The following SUGCT variants were observed in gnomAD, a reference collection of about 807,000 sequenced individuals.
SUGCT encodes succinyl-CoA:glutarate-CoA transferase.
A neutral mutation model predicts 55.0 loss-of-function variants in SUGCT; 41 were observed. The observed-to-expected ratio is 0.74, with a 90% CI of 0.58 to 0.97. The LOEUF (loss-of-function observed/expected upper bound fraction) is 0.97, where lower values mean the gene tolerates loss of function less well. Ranked by LOEUF, SUGCT falls within the 50% of genes least tolerant of loss-of-function variation. The probability of loss-of-function intolerance (pLI) is 0.00; values close to 1 mark genes in which losing one functional copy is unlikely to be tolerated. For synonymous variants in SUGCT, 187 were observed against 200.4 expected, an observed-to-expected ratio of 0.93 and a Z score of 0.56; for missense variants, 568 against 547.8, an observed-to-expected ratio of 1.04 and a Z score of -0.37.
At chr7:40,529,479 G>A (rs1307593414) in intron 12 of SUGCT, among the ~76,000 whole-genome samples, 3 of 152,320 alleles carry the variant, frequency 2.0e-5, no homozygotes, top group East Asian at 3.9e-4. Flanking sequence ...TGGTCATCAG[G>A]TGTGGGTACC....
the SUGCT span, among the ~76,000 whole-genome samples, chr7:41,024,259 G>C: frequency 6.6e-6 from 1 of 152,172 alleles, no homozygotes; most frequent in Non-Finnish European, 1.5e-5. Context: ...ATTGTATCTT[G>C]GAGAATATCT....
At chr7:40,508,423 C>CA (rs761990295) in intron 12 of SUGCT, among the ~76,000 whole-genome samples, 37 of 152,310 alleles carry the variant, frequency 2.4e-4, no homozygotes, top group Non-Finnish European at 4.6e-4. Flanking sequence ...GTGAAAAACA[C>CA]AGCAGCCTGC....
intron 12 of SUGCT, among the ~76,000 whole-genome samples, chr7:40,672,555 G>A (rs534998184): frequency 6.6e-6 from 1 of 152,284 alleles, no homozygotes; most frequent in African/African-American, 2.4e-5. Context: ...TAGGATTTAA[G>A]GAGAAGGTGA....
At chr7:40,701,876 A>G (rs1305722072) in intron 12 of SUGCT, among the ~76,000 whole-genome samples, 1 of 152,208 alleles carries the variant, frequency 6.6e-6, no homozygotes, top group African/African-American at 2.4e-5. Flanking sequence ...TGAGTGAAGG[A>G]GAGATATGCT....
the SUGCT span, among the ~76,000 whole-genome samples, chr7:41,002,643 T>C: frequency 3.3e-5 from 5 of 152,182 alleles, no homozygotes; most frequent in Non-Finnish European, 5.9e-5. Flanking sequence ...TGTCCAGCAA[T>C]GTTTAGCTGC....
chr7:40,998,367 G>GAA, the SUGCT span, among the ~76,000 whole-genome samples: 4 of 142,708 alleles, frequency 2.8e-5, no homozygotes, highest in South Asian at 9.0e-4. Flanking sequence ...GTAAGACTCT[G>GAA]AAAAAAAAAA....
intron 13 of SUGCT, among the ~76,000 whole-genome samples, chr7:40,778,620 C>T (rs1423805257): frequency 6.6e-6 from 1 of 152,214 alleles, no homozygotes; most frequent in Admixed American, 6.5e-5. Flanking sequence ...GCCCTGCACT[C>T]ATAAGTGATC....
At chr7:40,805,199 A>C (rs1460949728) in intron 13 of SUGCT, among the ~76,000 whole-genome samples, 1 of 152,128 alleles carries the variant, frequency 6.6e-6, no homozygotes, top group African/African-American at 2.4e-5. Context: ...GAGAAAAGGC[A>C]TTGTCTCTAA....
chr7:40,923,193 T>C, the SUGCT span, among the ~76,000 whole-genome samples: 1 of 152,212 alleles, frequency 6.6e-6, no homozygotes, highest in African/African-American at 2.4e-5. Context: ...AGATTTTGTA[T>C]AGGAACTTAG....
chr7:40,188,845 G>A (rs1258317558), intron 4 of SUGCT, among the ~76,000 whole-genome samples: 1 of 152,048 alleles, frequency 6.6e-6, no homozygotes, highest in Non-Finnish European at 1.5e-5. Flanking sequence ...AAAATTATTT[G>A]ATTCCTTACA....
chr7:40,748,937 G>T (rs547154020), intron 12 of SUGCT, among the ~76,000 whole-genome samples: 1 of 152,102 alleles, frequency 6.6e-6, no homozygotes, highest in Non-Finnish European at 1.5e-5. Context: ...AGCAGTCACC[G>T]AGCCTTCTGG....
chr7:40,180,178 C>T (rs1288812928), intron 1 of SUGCT, among the ~76,000 whole-genome samples: 1 of 151,554 alleles, frequency 6.6e-6, no homozygotes, highest in Non-Finnish European at 1.5e-5. Flanking sequence ...AGGTGGAGTG[C>T]AGTGGCTCGA....
At chr7:40,476,561 A>G (rs1260655549) in intron 11 of SUGCT, among the ~76,000 whole-genome samples, 2 of 152,110 alleles carry the variant, frequency 1.3e-5, no homozygotes, top group African/African-American at 4.8e-5. Flanking sequence ...TTCTTTGTGT[A>G]TATGGTATCA....
At chr7:40,180,852 G>A in intron 1 of SUGCT, 95 bp from the exon 2 acceptor site, 1 of 929,086 alleles carries the variant, frequency 1.1e-6, no homozygotes, top group Non-Finnish European at 1.7e-6. Flanking sequence ...AATCACTGTA[G>A]TCCTTGTGAT....
Position 40,180,129 on chromosome 7 carries a change from AT to A in SUGCT, c.101-805del, listed in dbSNP as rs562109191. Among the ~76,000 whole-genome samples the A allele has an allele frequency of 1.4e-3, 204 of 146,242 alleles. 1 individual carries two copies. The highest frequency in any genetic ancestry group is 0.013 in the South Asian group (62 of 4,600). On this transcript the variant is annotated intron_variant, in intron 1 of 13. Transcript: ENST00000335693. The stretch of plus-strand genomic sequence containing the variant: ...TGCTATTGCTGTGATTGTGATAGTA[AT>A]TTTTTTTTTTTTGAGACGGTGTCTT...
At chr7:40,958,377 T>C in the SUGCT span, among the ~76,000 whole-genome samples, 1 of 151,950 alleles carries the variant, frequency 6.6e-6, no homozygotes, top group Non-Finnish European at 1.5e-5. Context: ...TTCTTTTTTC[T>C]CTAATCTTGT....
At chr7:40,295,145 GAA>G (rs745963535) in intron 8 of SUGCT, among the ~76,000 whole-genome samples, 2 of 151,790 alleles carry the variant, frequency 1.3e-5, no homozygotes, top group Non-Finnish European at 1.5e-5. Flanking sequence ...TTTAACAAAA[GAA>G]ATTCATATTA....
chr7:40,199,374 G>T (rs1786465840), intron 6 of SUGCT, among the ~76,000 whole-genome samples: 1 of 152,190 alleles, frequency 6.6e-6, no homozygotes, highest in Non-Finnish European at 1.5e-5. Context: ...TATCATTTCA[G>T]AGGAAGCTGA....
chr7:40,495,067 T>A (rs767671014), intron 11 of SUGCT, among the ~76,000 whole-genome samples: 1 of 151,908 alleles, frequency 6.6e-6, no homozygotes, highest in African/African-American at 2.4e-5. Context: ...CCCGCCACCA[T>A]GCCTGGCTAA....
Sources: gnomAD v4.1 joint callset for allele counts (sites outside exome capture counted in the v4.1 genomes callset) on GRCh38, gnomAD v4.1.1 for gene constraint, MANE v1.5 for transcripts, NCBI Gene and HGNC (gene_info 2026-07-23, HGNC 2026-07-21) for gene names.